HPSE2: variants seen among roughly 807,000 people sequenced by gnomAD.
HPSE2 encodes heparanase 2 (inactive), also known as inactive heparanase-2.
In HPSE2, 38 loss-of-function variants were observed where a neutral mutation model predicts 60.5. That is an observed-to-expected ratio of 0.63 (90% CI 0.48 to 0.82). The LOEUF is 0.82. Among genes scored for constraint, HPSE2 ranks in the 40% least tolerant of loss-of-function variants. The probability of loss-of-function intolerance (pLI) is 0.00; values close to 1 mark genes in which losing one functional copy is unlikely to be tolerated. For synonymous variants in HPSE2, 295 were observed against 293.2 expected (o/e 1.01, Z -0.06); for missense variants, 713 against 740.4 (o/e 0.96, Z 0.43).
At chr10:98,725,882 A>C (rs1296769994) in intron 4 of HPSE2, among the ~76,000 whole-genome samples, 1 of 152,226 alleles carries the variant, frequency 6.6e-6, no homozygotes, top group Non-Finnish European at 1.5e-5. Context: ...AACACATGAA[A>C]AAATGCTCAC....
intron 10 of HPSE2, among the ~76,000 whole-genome samples, 160 bp from the exon 11 acceptor site, chr10:98,482,942 G>A (rs1248735764): frequency 1.3e-5 from 2 of 152,102 alleles, no homozygotes; most frequent in Non-Finnish European, 2.9e-5. Context: ...CCTTGTTATT[G>A]TGGTTTCTTG....
At chr10:99,235,912 TC>T, upstream of HPSE2, 1 of 810,320 alleles carries the variant, frequency 1.2e-6, no homozygotes, top group African/African-American at 1.9e-5. Context: ...TTTCCCTTCC[TC>T]CCACCACCCC....
the HPSE2 span, among the ~76,000 whole-genome samples, chr10:99,249,072 G>T: frequency 6.6e-6 from 1 of 152,230 alleles, no homozygotes; most frequent in Non-Finnish European, 1.5e-5. Flanking sequence ...CCAGGATAGT[G>T]TGGAGGGGAA....
chr10:99,281,806 T>A, the HPSE2 span, among the ~76,000 whole-genome samples: 82 of 152,162 alleles, frequency 5.4e-4, no homozygotes, highest in Admixed American at 2.3e-3. Context: ...TAATTCTAAA[T>A]ATACCAGAAA....
chr10:99,307,237 G>C, the HPSE2 span, among the ~76,000 whole-genome samples: 3 of 152,140 alleles, frequency 2.0e-5, no homozygotes, highest in Non-Finnish European at 4.4e-5. Flanking sequence ...AGGAGTATTG[G>C]AGTGGATCCC....
chr10:98,814,124 C>G (rs1471151426), intron 3 of HPSE2, among the ~76,000 whole-genome samples: 1 of 151,876 alleles, frequency 6.6e-6, no homozygotes, highest in African/African-American at 2.4e-5. Context: ...CCACTATACC[C>G]TTATAAATGT....
intron 5 of HPSE2, among the ~76,000 whole-genome samples, chr10:98,713,626 A>G (rs1948726374): frequency 6.6e-6 from 1 of 152,046 alleles, no homozygotes; most frequent in African/African-American, 2.4e-5. Flanking sequence ...GAGATTCCGA[A>G]TGTAAACTAA....
intron 10 of HPSE2, 54 bp downstream of exon 10, chr10:98,489,997 G>T: frequency 1.2e-6 from 2 of 1,606,534 alleles, no homozygotes; most frequent in South Asian, 1.1e-5. Context: ...GTCCCAAATG[G>T]TATGGGGTGG....
chr10:99,206,122 T>C (rs552944398), intron 2 of HPSE2, among the ~76,000 whole-genome samples: 5 of 152,334 alleles, frequency 3.3e-5, no homozygotes, highest in Admixed American at 6.5e-5. Flanking sequence ...CATTTCAAGA[T>C]AGATAAATCC....
intron 4 of HPSE2, among the ~76,000 whole-genome samples, chr10:98,731,024 C>T (rs896699201): frequency 2.0e-4 from 30 of 152,186 alleles, no homozygotes; most frequent in African/African-American, 7.0e-4. Context: ...GTGGCTCACG[C>T]CTATAATCCC....
At chr10:98,883,955 C>G (rs545455271) in intron 3 of HPSE2, among the ~76,000 whole-genome samples, 5 of 152,086 alleles carry the variant, frequency 3.3e-5, no homozygotes, top group Admixed American at 2.6e-4. Context: ...AGCTAGGCCT[C>G]TTATACCAAA....
intron 3 of HPSE2, among the ~76,000 whole-genome samples, chr10:98,868,605 A>C (rs1187792257): frequency 6.6e-6 from 1 of 152,170 alleles, no homozygotes; most frequent in East Asian, 1.9e-4. Flanking sequence ...AAAATATCTC[A>C]TGTACCCCAT....
chr10:98,979,654 C>T (rs146851800), intron 3 of HPSE2, among the ~76,000 whole-genome samples: 3 of 152,228 alleles, frequency 2.0e-5, no homozygotes, highest in Non-Finnish European at 4.4e-5. Context: ...GAAACTTAAC[C>T]GTGTATTTCT....
At chr10:99,264,323 G>A in the HPSE2 span, among the ~76,000 whole-genome samples, 6 of 152,068 alleles carry the variant, frequency 3.9e-5, no homozygotes, top group Non-Finnish European at 7.4e-5. Context: ...TCCTGACCTT[G>A]TGATCCGCCC....
At chr10:98,696,432 G>A (rs1331450580) in intron 5 of HPSE2, among the ~76,000 whole-genome samples, 1 of 151,554 alleles carries the variant, frequency 6.6e-6, no homozygotes, top group Non-Finnish European at 1.5e-5. Flanking sequence ...GTGTGGTGCT[G>A]CAGCCCACCT....
chr10:98,817,203 G>A (rs1951311849), intron 3 of HPSE2, among the ~76,000 whole-genome samples: 1 of 151,954 alleles, frequency 6.6e-6, no homozygotes, highest in South Asian at 2.1e-4. Context: ...TTTTCCTATT[G>A]GTCAGTATTA....
At chr10:98,477,754 C>G (rs1238513592) in intron 11 of HPSE2, among the ~76,000 whole-genome samples, 2 of 152,290 alleles carry the variant, frequency 1.3e-5, no homozygotes, top group East Asian at 1.9e-4. Context: ...GAGCAGGGCT[C>G]CCTAACCCCT....
chr10:98,603,419 C>G (rs1945483960), intron 9 of HPSE2, among the ~76,000 whole-genome samples: 1 of 142,670 alleles, frequency 7.0e-6, no homozygotes, highest in Admixed American at 7.5e-5. Context: ...TTGAAATACG[C>G]CAGAGCACTC....
intron 3 of HPSE2, among the ~76,000 whole-genome samples, chr10:99,017,428 A>G (rs1045100915): frequency 1.3e-5 from 2 of 152,158 alleles, no homozygotes; most frequent in Admixed American, 6.5e-5. Flanking sequence ...TCGGTTTGCC[A>G]GTATTTTGTT....
Sources: allele counts gnomAD v4.1 joint callset (sites outside exome capture counted in the v4.1 genomes callset), GRCh38; gene constraint gnomAD v4.1.1; transcripts MANE v1.5; gene names NCBI Gene and HGNC (gene_info 2026-07-23, HGNC 2026-07-21).